The following THSD7A variants were observed in gnomAD, a reference collection of about 807,000 sequenced individuals.
The protein encoded by THSD7A is thrombospondin type 1 domain containing 7A.
THSD7A carries 96 observed loss-of-function variants against 231.3 expected under a neutral mutation model. That is an observed-to-expected ratio of 0.41 (90% CI 0.35 to 0.49). THSD7A has a LOEUF of 0.49. THSD7A is among the 20% of genes least tolerant of loss of function. THSD7A has a pLI of 0.05. For missense variants in THSD7A, 2,290 were observed against 2,070.2 expected, an observed-to-expected ratio of 1.11 and a Z score of -2.06; for synonymous variants, 940 against 743.3, an observed-to-expected ratio of 1.26 and a Z score of -4.30.
intron 4 of THSD7A, among the ~76,000 whole-genome samples, chr7:11,543,568 T>C (rs1789244099): frequency 6.6e-6 from 1 of 152,104 alleles, no homozygotes. Context: ...AACTCTCCCA[T>C]CTCTTTTGGT....
intron 4 of THSD7A, among the ~76,000 whole-genome samples, chr7:11,563,622 A>G (rs571061071): frequency 6.6e-6 from 1 of 152,308 alleles, no homozygotes; most frequent in Admixed American, 6.5e-5. Flanking sequence ...TCAGCCTTCC[A>G]AAGTGCTGGG....
At chr7:11,517,588 C>A (rs759222896) in intron 6 of THSD7A, among the ~76,000 whole-genome samples, 1 of 152,088 alleles carries the variant, frequency 6.6e-6, no homozygotes, top group African/African-American at 2.4e-5. Flanking sequence ...CTTTTGATTG[C>A]CATTTTACCT....
chr7:11,487,621 C>A (rs986699840), intron 6 of THSD7A, among the ~76,000 whole-genome samples: 4 of 152,012 alleles, frequency 2.6e-5, no homozygotes, highest in Admixed American at 6.6e-5. Flanking sequence ...ACTTACAGTT[C>A]CACATGGCTG....
rs1004984593 is a variant in THSD7A, at chr7:11,542,718, C to T, written c.1609+244G>A. ...ACCCCACAGCTCATCCTAACCATTG[C>T]ACTAAACTGTCTCAGATCCTCTCCA... On this transcript the variant is annotated intron_variant, in intron 5 of 27. Coordinates refer to ENST00000423059, the MANE Select transcript of THSD7A (RefSeq NM_015204.3). 1.5e-4 allele frequency among the ~76,000 whole-genome samples: 23 copies of T among 152,316 alleles called. 1 individual carries two copies. Among genetic ancestry groups the T allele is most frequent in the African/African-American group, 5.3e-4 (22 of 41,560 alleles).
chr7:11,496,511 G>A (rs1018416995), intron 6 of THSD7A, among the ~76,000 whole-genome samples: 5 of 152,060 alleles, frequency 3.3e-5, no homozygotes, highest in African/African-American at 7.2e-5. Context: ...TGGGGTTTAG[G>A]GCTGAGACAT....
At chr7:11,746,552 T>A (rs6970485) in intron 1 of THSD7A, among the ~76,000 whole-genome samples, 1 of 151,876 alleles carries the variant, frequency 6.6e-6, no homozygotes, top group Admixed American at 6.6e-5. Context: ...CATAGAGTTT[T>A]CCTCAATTTG....
intron 4 of THSD7A, among the ~76,000 whole-genome samples, chr7:11,566,125 T>C (rs1253787868): frequency 6.6e-6 from 1 of 152,046 alleles, no homozygotes; most frequent in East Asian, 1.9e-4. Context: ...AAAGGTCAAA[T>C]GTTGCTGAGT....
chr7:11,805,617 A>G (rs1305873217), intron 1 of THSD7A, among the ~76,000 whole-genome samples: 1 of 152,074 alleles, frequency 6.6e-6, no homozygotes, highest in Non-Finnish European at 1.5e-5. Context: ...TTTATTGATA[A>G]TTTTTATTCA....
At chr7:11,531,404 A>G (rs1788702872) in intron 6 of THSD7A, among the ~76,000 whole-genome samples, 1 of 152,172 alleles carries the variant, frequency 6.6e-6, no homozygotes, top group Admixed American at 6.5e-5. Context: ...AGTCAGAATA[A>G]AAGCCAAAGC....
intron 4 of THSD7A, among the ~76,000 whole-genome samples, chr7:11,579,498 A>G (rs138988233): frequency 5.8e-4 from 89 of 152,324 alleles, no homozygotes; most frequent in African/African-American, 1.9e-3. Context: ...AAGCACGGAT[A>G]CTATAGTCCC....
At chr7:11,784,086 G>C (rs1437991062) in intron 1 of THSD7A, among the ~76,000 whole-genome samples, 3 of 151,936 alleles carry the variant, frequency 2.0e-5, no homozygotes, top group Admixed American at 2.0e-4. Context: ...CAAAATAAAA[G>C]TAAACATATC....
chr7:11,630,295 A>T (rs967812398), intron 2 of THSD7A, among the ~76,000 whole-genome samples: 1 of 152,204 alleles, frequency 6.6e-6, no homozygotes, highest in African/African-American at 2.4e-5. Context: ...ATGAGAGGGG[A>T]TGCCAGAAAG....
At chr7:11,601,576 C>T (rs1385943981) in intron 2 of THSD7A, among the ~76,000 whole-genome samples, 1 of 152,120 alleles carries the variant, frequency 6.6e-6, no homozygotes, top group South Asian at 2.1e-4. Flanking sequence ...AGCTCCTGGA[C>T]CTACCTGATA....
intron 23 of THSD7A, 45 bp downstream of exon 23, chr7:11,401,750 C>A: frequency 1.3e-6 from 2 of 1,498,790 alleles, no homozygotes; most frequent in Non-Finnish European, 1.8e-6. Flanking sequence ...TTTTTTTAAT[C>A]TTATGCTTTT....
intron 6 of THSD7A, among the ~76,000 whole-genome samples, chr7:11,514,396 A>G (rs1383160547): frequency 6.6e-6 from 1 of 152,184 alleles, no homozygotes; most frequent in Non-Finnish European, 1.5e-5. Context: ...ATAAATGAGT[A>G]TTTTGTATAT....
At chr7:11,808,041 T>C (rs770012869) in intron 1 of THSD7A, among the ~76,000 whole-genome samples, 9 of 152,102 alleles carry the variant, frequency 5.9e-5, no homozygotes, top group Non-Finnish European at 1.2e-4. Context: ...GGCCTCTCAC[T>C]GCACCACCCA....
At chr7:11,387,974 A>G (rs1474057943) in intron 23 of THSD7A, among the ~76,000 whole-genome samples, 4 of 152,016 alleles carry the variant, frequency 2.6e-5, no homozygotes, top group Non-Finnish European at 5.9e-5. Context: ...GGTTTTTGTC[A>G]TTGATTCTGT....
At position 11,817,331 on chromosome 7, in the gene THSD7A, G is replaced by A. The variant is rs562385268; in HGVS notation, c.190+14426C>T. Among the ~76,000 whole-genome samples the A allele has an allele frequency of 2.0e-5, 3 of 152,288 alleles. No individual in the cohort carries two copies. In the South Asian group the frequency reaches 6.2e-4, roughly 32 times the overall value. ...TTTGGAACCCACAGTCCCACTTAGA[G>A]ACTCCAACCTCCAGCATTGCCTGCA... On this transcript the variant is annotated intron_variant, in intron 1 of 27. Transcript: ENST00000423059.
At chr7:11,425,981 C>T (rs533243689) in intron 15 of THSD7A, among the ~76,000 whole-genome samples, 59 of 151,830 alleles carry the variant, frequency 3.9e-4, no homozygotes, top group African/African-American at 1.3e-3. Flanking sequence ...GTGGGTGCAG[C>T]GCACCAGCAT....
Sources: gnomAD v4.1 joint callset for allele counts (sites outside exome capture counted in the v4.1 genomes callset) on GRCh38, gnomAD v4.1.1 for gene constraint, MANE v1.5 for transcripts, NCBI Gene and HGNC (gene_info 2026-07-23, HGNC 2026-07-21) for gene names.